The following GRIK2 variants were observed in gnomAD, a reference collection of about 807,000 sequenced individuals.
GRIK2 encodes the protein glutamate ionotropic receptor kainate type subunit 2.
In GRIK2, 32 loss-of-function variants were observed where a neutral mutation model predicts 100.3. That is an observed-to-expected ratio of 0.32 (90% CI 0.24 to 0.43). The LOEUF is 0.43. Among genes scored for constraint, GRIK2 ranks in the 20% least tolerant of loss-of-function variants. The pLI is 1.00. For missense variants in GRIK2, 843 were observed against 1,114.9 expected (o/e 0.76, Z 3.47); for synonymous variants, 417 against 389.4 (o/e 1.07, Z -0.83).
chr6:101,944,715 T>C (rs1791168450), intron 14 of GRIK2, among the ~76,000 whole-genome samples: 1 of 152,124 alleles, frequency 6.6e-6, no homozygotes, highest in Non-Finnish European at 1.5e-5. Flanking sequence ...TAGAAAGCTG[T>C]AATAATTCAT....
intron 7 of GRIK2, among the ~76,000 whole-genome samples, chr6:101,737,220 C>T (rs1775699489): frequency 6.6e-6 from 1 of 152,182 alleles, no homozygotes; most frequent in Non-Finnish European, 1.5e-5. Context: ...GTTCCACCCT[C>T]TGTCTGTTAC....
chr6:101,447,646 C>T (rs1432927947), intron 2 of GRIK2, among the ~76,000 whole-genome samples: 1 of 151,636 alleles, frequency 6.6e-6, no homozygotes, highest in Non-Finnish European at 1.5e-5. Context: ...TAGTTCAGTT[C>T]TGACATCTTT....
At chr6:101,927,774 A>AT (rs1267251665) in intron 13 of GRIK2, 1 of 152,006 alleles carries the variant, frequency 6.6e-6, no homozygotes, top group Non-Finnish European at 1.5e-5. Context: ...TCTTATTCTA[A>AT]TTTTTTTAAT....
intron 12 of GRIK2, among the ~76,000 whole-genome samples, chr6:101,911,375 T>C (rs2128465737): frequency 6.6e-6 from 1 of 151,706 alleles, no homozygotes; most frequent in African/African-American, 2.4e-5. Context: ...TGATTTTTAC[T>C]GAATCAAGAA....
chr6:101,729,004 A>G (rs1416409871), intron 7 of GRIK2, among the ~76,000 whole-genome samples: 1 of 152,034 alleles, frequency 6.6e-6, no homozygotes. Flanking sequence ...GCAACTAAAT[A>G]TATTAAGAAG....
intron 14 of GRIK2, among the ~76,000 whole-genome samples, chr6:102,017,191 CACAA>C (rs1221530820): frequency 6.6e-6 from 1 of 152,122 alleles, no homozygotes; most frequent in African/African-American, 2.4e-5. Flanking sequence ...ATTTAGACCA[CACAA>C]ACAAGTTGGC....
chr6:102,012,261 G>C (rs76379071), intron 14 of GRIK2, among the ~76,000 whole-genome samples: 20,203 of 152,042 alleles, frequency 0.13, 1,500 homozygotes, highest in East Asian at 0.22. Flanking sequence ...TACAGTAAGT[G>C]TTGACACTGG....
intron 7 of GRIK2, among the ~76,000 whole-genome samples, chr6:101,782,827 T>C (rs1002118839): frequency 2.1e-4 from 32 of 151,878 alleles, no homozygotes; most frequent in Non-Finnish European, 2.9e-4. Context: ...CCCAGTGATA[T>C]GGTTTAGCTT....
intron 7 of GRIK2, among the ~76,000 whole-genome samples, chr6:101,710,014 T>G (rs868149768): frequency 6.6e-6 from 1 of 151,860 alleles, no homozygotes; most frequent in Non-Finnish European, 1.5e-5. Context: ...GTTCTGAGTT[T>G]ATTATTAACT....
At chr6:101,913,452 A>G (rs1032900285) in intron 12 of GRIK2, among the ~76,000 whole-genome samples, 2 of 151,536 alleles carry the variant, frequency 1.3e-5, no homozygotes, top group Non-Finnish European at 3.0e-5. Context: ...AGTATTTTTG[A>G]GCACTTATTC....
intron 7 of GRIK2, among the ~76,000 whole-genome samples, chr6:101,775,775 G>A (rs935324646): frequency 2.6e-5 from 4 of 151,286 alleles, no homozygotes; most frequent in African/African-American, 9.7e-5. Context: ...ATATATGTGT[G>A]TATATGGAAA....
rs9498797 is a variant in GRIK2, at chr6:101,989,646, A to G, written c.2086-45695A>G. Among the ~76,000 whole-genome samples the G allele has an allele frequency of 9.7e-3, 1,465 of 151,612 alleles. 27 individuals are homozygous for G. The highest frequency in any genetic ancestry group is 0.034 in the African/African-American group (1,420 of 41,462). On this transcript the variant is annotated intron_variant, in intron 14 of 16. Coordinates refer to ENST00000369134, the MANE Select transcript of GRIK2 (RefSeq NM_021956.5). The stretch of plus-strand genomic sequence containing the variant: ...TGATTTATTTTATAAGAACTCACAG[A>G]CCTTTATTTATTACTATGTTACATT...
At chr6:101,457,314 C>G (rs1485429592) in intron 2 of GRIK2, among the ~76,000 whole-genome samples, 1 of 152,074 alleles carries the variant, frequency 6.6e-6, no homozygotes, top group African/African-American at 2.4e-5. Flanking sequence ...ATTTGCACCT[C>G]TCTTGAGGTC....
At chr6:101,678,643 T>C (rs1279681245) in intron 5 of GRIK2, among the ~76,000 whole-genome samples, 2 of 152,172 alleles carry the variant, frequency 1.3e-5, no homozygotes, top group Admixed American at 6.5e-5. Flanking sequence ...AATAGGGTCC[T>C]ATTTTGTGAT....
intron 12 of GRIK2, among the ~76,000 whole-genome samples, chr6:101,894,020 A>C (rs1227467143): frequency 6.6e-6 from 1 of 151,582 alleles, no homozygotes; most frequent in Non-Finnish European, 1.5e-5. Flanking sequence ...TAGAAAGGAA[A>C]TATGAGGAAG....
rs36010543 is a variant in GRIK2 at position 101,849,813 on chromosome 6, G to GTTTTTTTT, written c.1318-9455_1318-9448dup. ...AGGGATGCTATTTAAAAAAAGGAGG[G>GTTTTTTTT]TTTTTTTTTTTTTTTTTTTTTTTTT... On this transcript the variant is annotated intron_variant, in intron 10 of 16. Transcript: ENST00000369134. Among the ~76,000 whole-genome samples the GTTTTTTTT allele has an allele frequency of 2.2e-4, 12 of 53,870 alleles. 2 individuals are homozygous for GTTTTTTTT. The highest frequency in any genetic ancestry group is 4.0e-4 in the African/African-American group (6 of 15,146). 35.3% of individuals were successfully genotyped at this position (53,870 alleles called of 152,430 possible). A position where few individuals can be genotyped will look rare whatever the true frequency, so the allele number is the denominator to read the frequency against.
chr6:102,058,927 T>A (rs1771606031), intron 16 of GRIK2, among the ~76,000 whole-genome samples: 1 of 151,354 alleles, frequency 6.6e-6, no homozygotes. Context: ...TGAATAAAAT[T>A]TATAAATAAT....
intron 2 of GRIK2, among the ~76,000 whole-genome samples, chr6:101,444,896 C>T (rs1562142550): frequency 6.6e-6 from 1 of 152,118 alleles, no homozygotes; most frequent in South Asian, 2.1e-4. Context: ...GGCCAGTCCA[C>T]CGCATCTGCT....
chr6:101,516,708 A>G lies in GRIK2; in HGVS notation c.116-105241A>G, dbSNP rs1294682150. ...CCTATAATTTATACACTGTTCATTT[A>G]TATGCATGTAGCTATAATAAAATAT... On this transcript the variant is annotated intron_variant, in intron 2 of 16. Transcript: ENST00000369134. Among the ~76,000 whole-genome samples the G allele has an allele frequency of 2.6e-5, 4 of 152,150 alleles. No homozygotes were observed. The South Asian group carries it at 8.3e-4, about 31-fold the overall frequency.
Sources: gnomAD v4.1 joint callset for allele counts (sites outside exome capture counted in the v4.1 genomes callset) on GRCh38, gnomAD v4.1.1 for gene constraint, MANE v1.5 for transcripts, NCBI Gene and HGNC (gene_info 2026-07-23, HGNC 2026-07-21) for gene names.